RPL13A: variants seen among roughly 807,000 people sequenced by gnomAD.
RPL13A encodes large ribosomal subunit protein uL13.
In RPL13A, 4 loss-of-function variants were observed where a neutral mutation model predicts 30.8. The ratio of observed to expected loss-of-function variants is 0.13; its 90% CI spans 0.06 to 0.30. The LOEUF is 0.30. Among genes scored for constraint, RPL13A ranks in the 10% least tolerant of loss-of-function variants. The pLI, the probability that RPL13A is intolerant of heterozygous loss-of-function variation, is 1.00. For synonymous variants in RPL13A, 108 were observed against 104.2 expected, an observed-to-expected ratio of 1.04 and a Z score of -0.22; for missense variants, 196 against 272.6, an observed-to-expected ratio of 0.72 and a Z score of 1.98.
At position 49,491,895 on chromosome 19, in the gene RPL13A, C is replaced by T; in HGVS notation, c.*80C>T. ...CCCTGGAATGTACGGGACCCAGGGG[C>T]AGCAGCAGTCCAGGTGCCACAGGCA... On this transcript the variant is annotated 3_prime_UTR_variant, in exon 8 of 8. Transcript: ENST00000391857. 8.7e-7 allele frequency: 1 copy of T among 1,150,490 alleles called. No individual in the cohort carries two copies. Among genetic ancestry groups the T allele is most frequent in the Non-Finnish European group, 1.3e-6 (1 of 791,504 alleles). The allele number at this position is 1,150,490 out of a possible 1,614,324, so 71.3% of individuals were successfully genotyped here.
In RPL13A at chr19:49,490,881, C is replaced by T. The variant is rs190691271; in HGVS notation, c.342+17C>T. The T allele has an allele frequency of 1.9e-6, 3 of 1,613,748 alleles. No individual in the cohort carries two copies. Among genetic ancestry groups the T allele is most frequent in the African/African-American group, 1.3e-5 (1 of 74,944 alleles). On this transcript the variant is annotated intron_variant, in intron 5 of 7. Transcript: ENST00000391857. ...TACGACAAGGTGAGCTATGCCAAAC[C>T]CCACAGGCAGCGGCCTTACCTGTGG...
At chr19:49,491,678 A>T in intron 7 of RPL13A, 51 bp from the exon 8 acceptor site, 1 of 1,589,646 alleles carries the variant, frequency 6.3e-7, no homozygotes, top group Non-Finnish European at 8.6e-7. Flanking sequence ...CCATGTAATG[A>T]GGGCAATGCA....
intron 6 of RPL13A, 140 bp from the exon 7 acceptor site, chr19:49,491,285 G>A (rs1231642413): frequency 3.5e-6 from 4 of 1,149,520 alleles, no homozygotes; most frequent in East Asian, 2.3e-5. Context: ...TTTTCTAACA[G>A]GCCTGCAGAG....
intron 1 of RPL13A, among the ~76,000 whole-genome samples, chr19:49,489,182 A>G (rs112700484): frequency 0.012 from 1,832 of 152,326 alleles, 34 homozygotes; most frequent in African/African-American, 0.041. Flanking sequence ...ATACATTAGA[A>G]GAGAATTAGA....
Position 49,487,639 on chromosome 19 carries a change from G to T in RPL13A, c.10G>T (p.Val4Leu), listed in dbSNP as rs369860998. The T allele has an allele frequency of 1.9e-6, 3 of 1,571,196 alleles. No homozygotes were observed. Among genetic ancestry groups the T allele is most frequent in the Admixed American group, 1.9e-5 (1 of 52,760 alleles). Reference sequence around the variant, plus strand: ...CAAGCGGCTGCCGAAGATGGCGGAGGTGCAGGTATGGGCTCCGCGCGGGCC... The same window carrying T: ...CAAGCGGCTGCCGAAGATGGCGGAGTTGCAGGTATGGGCTCCGCGCGGGCC... MAE[V>L]QVLVLDGRGH... Residue 4 changes from valine (V) to leucine (L), a missense_variant, in exon 1 of 8, where the codon GTG becomes TTG. Physicochemically the swap from Val to Leu is conservative, Grantham distance 32 (BLOSUM62 1). Coordinates refer to ENST00000391857, the MANE Select transcript of RPL13A (RefSeq NM_012423.4).
chr19:49,491,354 G>C, intron 6 of RPL13A, 71 bp from the exon 7 acceptor site: 2 of 1,398,122 alleles, frequency 1.4e-6, no homozygotes, highest in Non-Finnish European at 2.0e-6. Context: ...AACAGCTCCG[G>C]CTCTTCAGGG....
intron 1 of RPL13A, among the ~76,000 whole-genome samples, chr19:49,489,083 G>A (rs775455528): frequency 1.3e-5 from 2 of 152,336 alleles, no homozygotes; most frequent in South Asian, 2.1e-4. Context: ...CTATAGCAGA[G>A]CTAGCATGGG....
In RPL13A at chr19:49,491,063, T is replaced by A. The variant is rs1480135162; in HGVS notation, c.366T>A (p.Ala122=). Residue 122 remains alanine (A), a synonymous_variant, in exon 6 of 8, where the codon GCT becomes GCA. Transcript: ENST00000391857. The stretch of plus-strand genomic sequence containing the variant: ...AGAAAAAGCGGATGGTGGTTCCTGC[T>A]GCCCTCAAGGTCGTGCGTCTGAAGC... The part of the protein sequence containing the change: ...YDKKKRMVVP[A]ALKVVRLKPT... The A allele has an allele frequency of 1.9e-6, 3 of 1,614,250 alleles. No individual in the cohort carries two copies. The highest frequency in any genetic ancestry group is 3.3e-4 in the Middle Eastern group (2 of 6,062).
At chr19:49,489,959 C>A in intron 2 of RPL13A, 37 bp downstream of exon 2, 1 of 1,509,104 alleles carries the variant, frequency 6.6e-7, no homozygotes, top group African/African-American at 1.4e-5. Context: ...TCATGGGCCC[C>A]CGCTGGAGGT....
At chr19:49,490,702 C>G (rs768747752) in intron 4 of RPL13A, 77 bp from the exon 5 acceptor site, 2 of 1,586,446 alleles carry the variant, frequency 1.3e-6, no homozygotes, top group Non-Finnish European at 1.7e-6. Flanking sequence ...GAGGCCACCC[C>G]ATGGGCCCAC....
chr19:49,488,326 T>A (rs1440941810), intron 1 of RPL13A, among the ~76,000 whole-genome samples: 3 of 152,174 alleles, frequency 2.0e-5, no homozygotes, highest in African/African-American at 7.2e-5. Context: ...GGGGGCCCTT[T>A]CCCTGGCTCC....
At chr19:49,491,620 G>T in intron 7 of RPL13A, 73 bp downstream of exon 7, 1 of 1,560,352 alleles carries the variant, frequency 6.4e-7, no homozygotes. Context: ...TGCTCACAGA[G>T]TACTCTTAAC....
intron 6 of RPL13A, 24 bp downstream of exon 6, chr19:49,491,123 C>T: frequency 6.2e-7 from 1 of 1,613,696 alleles, no homozygotes; most frequent in Non-Finnish European, 8.5e-7. Context: ...TACGCTGCAC[C>T]ATCTACTTGG....
chr19:49,491,402 A>AGGGG, intron 6 of RPL13A, 23 bp from the exon 7 acceptor site: 1 of 236,632 alleles, frequency 4.2e-6, no homozygotes, highest in Non-Finnish European at 7.8e-6. Flanking sequence ...TCATTTGTTC[A>AGGGG]CCCCCCCCCC....
Position 49,490,512 on chromosome 19 carries a change from C to G in RPL13A, c.192C>G (p.Thr64=). The G allele has an allele frequency of 1.9e-6, 3 of 1,614,216 alleles. No individual in the cohort carries two copies. Among genetic ancestry groups the G allele is most frequent in the Non-Finnish European group, 2.5e-6 (3 of 1,180,036 alleles). ...CTTTCCTCCGCAAGCGGATGAACAC[C>G]AACCCTTCCCGAGGCCCCTACCACT... The part of the protein sequence containing the change: ...YLAFLRKRMN[T]NPSRGPYHFR... The change falls in exon 4 of 8, where the codon ACC becomes ACG. Residue 64 remains threonine, a synonymous_variant. Coordinates refer to ENST00000391857, the MANE Select transcript of RPL13A (RefSeq NM_012423.4).
chr19:49,491,025 C>G lies in RPL13A; in HGVS notation c.343-15C>G. On this transcript the variant is annotated splice_polypyrimidine_tract_variant and intron_variant, in intron 5 of 7. Transcript: ENST00000391857. ...GTCCCTCCCGGGCTCTTAAGCCCCT[C>G]TCTTTCTCTAACAGAAAAAGCGGAT... 1.2e-6 allele frequency: 2 copies of G among 1,614,252 alleles called. No homozygotes were observed. Among genetic ancestry groups the G allele is most frequent in the Non-Finnish European group, 1.7e-6 (2 of 1,180,032 alleles).
At chr19:49,489,209 C>G (rs1465178953) in intron 1 of RPL13A, among the ~76,000 whole-genome samples, 1 of 152,166 alleles carries the variant, frequency 6.6e-6, no homozygotes, top group Admixed American at 6.5e-5. Flanking sequence ...TAACATCCTA[C>G]AATTGATTGG....
At chr19:49,490,137 C>G in intron 2 of RPL13A, 95 bp from the exon 3 acceptor site, 2 of 1,261,032 alleles carry the variant, frequency 1.6e-6, no homozygotes, top group South Asian at 2.4e-5. Context: ...GAACTTAGCT[C>G]TGGCAAGTAC....
chr19:49,491,622 A>T, intron 7 of RPL13A, 75 bp downstream of exon 7: 1 of 1,560,350 alleles, frequency 6.4e-7, no homozygotes, highest in East Asian at 2.3e-5. Context: ...CTCACAGAGT[A>T]CTCTTAACTG....
Sources: allele counts gnomAD v4.1 joint callset (sites outside exome capture counted in the v4.1 genomes callset), GRCh38; gene constraint gnomAD v4.1.1; transcripts MANE v1.5; gene names NCBI Gene and HGNC (gene_info 2026-07-23, HGNC 2026-07-21).